The following CSMD1 variants were observed in gnomAD, a reference collection of about 807,000 sequenced individuals.
CSMD1 encodes the protein CUB and sushi domain-containing protein 1.
Under a neutral mutation model 417.5 loss-of-function variants are expected in CSMD1, and 213 were observed. That is an observed-to-expected ratio of 0.51 (90% CI 0.46 to 0.57). The LOEUF (loss-of-function observed/expected upper bound fraction) is 0.57. CSMD1 is among the 20% of genes least tolerant of loss of function. The probability of loss-of-function intolerance (pLI) is 0.00; values close to 1 mark genes in which losing one functional copy is unlikely to be tolerated. For missense variants in CSMD1, 6,923 were observed against 4,529.7 expected, an observed-to-expected ratio of 1.53 and a Z score of -15.17; for synonymous variants, 2,862 against 1,736.8, an observed-to-expected ratio of 1.65 and a Z score of -16.11.
chr8:4,394,391 GT>G (rs1366888945), intron 3 of CSMD1, among the ~76,000 whole-genome samples: 1 of 152,102 alleles, frequency 6.6e-6, no homozygotes, highest in Non-Finnish European at 1.5e-5. Context: ...ACTAGAAATG[GT>G]TTTCTTAGAA....
At chr8:3,987,394 A>G (rs73501220) in intron 5 of CSMD1, among the ~76,000 whole-genome samples, 1,906 of 152,304 alleles carry the variant, frequency 0.013, 44 homozygotes, top group African/African-American at 0.043. Flanking sequence ...CATGATAACG[A>G]CTAATGGATA....
At chr8:3,910,616 T>C (rs1808401763) in intron 5 of CSMD1, among the ~76,000 whole-genome samples, 1 of 152,200 alleles carries the variant, frequency 6.6e-6, no homozygotes, top group Non-Finnish European at 1.5e-5. Context: ...AGACAGATGA[T>C]TTTAATATAA....
At chr8:4,475,699 T>G (rs1462248994) in intron 2 of CSMD1, among the ~76,000 whole-genome samples, 1 of 128,252 alleles carries the variant, frequency 7.8e-6, no homozygotes, top group East Asian at 2.3e-4. Flanking sequence ...TCACTGCAGC[T>G]GCCTCTGGGT....
chr8:3,865,028 G>C (rs1233103451), intron 5 of CSMD1, among the ~76,000 whole-genome samples: 1 of 152,144 alleles, frequency 6.6e-6, no homozygotes, highest in East Asian at 1.9e-4. Context: ...CTCCTAATTT[G>C]TCAAGTAAGA....
At position 3,087,099 on chromosome 8, in the gene CSMD1, T is replaced by C. The variant is rs560082906; in HGVS notation, c.7472A>G (p.Gln2491Arg). Reference protein sequence around the residue: ...YQWDSLTPLCQAVSCGIPESP... With the variant: ...YQWDSLTPLCRAVSCGIPESP... ...GGGGATGAAAACGCATTTCTTACCC[T>C]GGCAGAGTGGCGTGAGGGAGTCCCA... The change falls in exon 49 of 70, where the codon CAG becomes CGG. Residue 2491 changes from glutamine (Q) to arginine (R), a missense_variant and splice_region_variant. Physicochemically the swap from Gln to Arg is conservative, Grantham distance 43. Coordinates refer to ENST00000635120, the MANE Select transcript of CSMD1 (RefSeq NM_033225.6). 3.3e-5 allele frequency: 53 copies of C among 1,612,720 alleles called. No individual in the cohort carries two copies. Among genetic ancestry groups the C allele is most frequent in the Non-Finnish European group, 4.1e-5 (48 of 1,179,580 alleles).
chr8:3,818,713 G>C (rs540331927), intron 5 of CSMD1, among the ~76,000 whole-genome samples: 3 of 152,166 alleles, frequency 2.0e-5, no homozygotes, highest in African/African-American at 4.8e-5. Context: ...AAGGGAGATG[G>C]AAAACACAAC....
At chr8:3,249,007 A>G (rs1044742403) in intron 26 of CSMD1, among the ~76,000 whole-genome samples, 1 of 152,054 alleles carries the variant, frequency 6.6e-6, no homozygotes, top group Non-Finnish European at 1.5e-5. Flanking sequence ...CTGAGCTCAG[A>G]TGCTGTAATT....
intron 1 of CSMD1, among the ~76,000 whole-genome samples, chr8:4,974,306 G>C (rs114072898): frequency 0.021 from 3,246 of 152,040 alleles, 117 homozygotes; most frequent in African/African-American, 0.074. Context: ...GATTACAGGC[G>C]CAAGATTTTA....
chr8:4,620,647 C>T (rs1259172228), intron 2 of CSMD1, among the ~76,000 whole-genome samples: 1 of 151,724 alleles, frequency 6.6e-6, no homozygotes, highest in East Asian at 1.9e-4. Context: ...ATACAACATG[C>T]TTCTTAAAAT....
intron 5 of CSMD1, among the ~76,000 whole-genome samples, chr8:3,987,400 G>A (rs1202447954): frequency 6.6e-6 from 1 of 152,292 alleles, no homozygotes; most frequent in African/African-American, 2.4e-5. Flanking sequence ...AACGACTAAT[G>A]GATACAGGGG....
At chr8:4,503,672 T>G (rs750320982) in intron 2 of CSMD1, among the ~76,000 whole-genome samples, 1 of 152,096 alleles carries the variant, frequency 6.6e-6, no homozygotes, top group Non-Finnish European at 1.5e-5. Flanking sequence ...TAACTTGGCC[T>G]GATGCATTAA....
intron 2 of CSMD1, among the ~76,000 whole-genome samples, chr8:4,587,125 CT>C (rs1393495691): frequency 2.0e-5 from 3 of 152,232 alleles, no homozygotes; most frequent in Admixed American, 2.0e-4. Context: ...ATTAGGTGCG[CT>C]CTCTTCTTCC....
At chr8:3,642,294 G>C (rs1563226129) in intron 7 of CSMD1, among the ~76,000 whole-genome samples, 1 of 152,088 alleles carries the variant, frequency 6.6e-6, no homozygotes, top group African/African-American at 2.4e-5. Context: ...CTGTGAAAAA[G>C]AGATCAGAAA....
chr8:4,553,318 T>C (rs1428106408), intron 2 of CSMD1, among the ~76,000 whole-genome samples: 1 of 152,224 alleles, frequency 6.6e-6, no homozygotes, highest in Admixed American at 6.5e-5. Context: ...TGGGTAAAAG[T>C]GCTTCATTTT....
intron 7 of CSMD1, among the ~76,000 whole-genome samples, chr8:3,700,860 G>A (rs550598403): frequency 1.3e-5 from 2 of 152,278 alleles, no homozygotes; most frequent in East Asian, 1.9e-4. Flanking sequence ...GACGGGAAAC[G>A]TTTGAGGGTC....
At chr8:4,015,796 C>G (rs918051543) in intron 4 of CSMD1, among the ~76,000 whole-genome samples, 1 of 151,128 alleles carries the variant, frequency 6.6e-6, no homozygotes, top group Non-Finnish European at 1.5e-5. Flanking sequence ...CAGACAAAAA[C>G]AAGGGTGAAA....
chr8:3,240,565 G>A (rs1440955286), intron 26 of CSMD1, among the ~76,000 whole-genome samples: 1 of 152,000 alleles, frequency 6.6e-6, no homozygotes, highest in Non-Finnish European at 1.5e-5. Flanking sequence ...GAAATAATGG[G>A]GGCTGTCTGT....
At position 4,007,678 on chromosome 8, in the gene CSMD1, CT is replaced by C. The variant is rs113392680; in HGVS notation, c.611-9569del. On this transcript the variant is annotated intron_variant, in intron 4 of 69. Coordinates refer to ENST00000635120, the MANE Select transcript of CSMD1 (RefSeq NM_033225.6). ...CCTGATAGAAGTATTCTTTCTTCCT[CT>C]TTTTTTTTTTCATGCAATGAATGAA... 8.7e-3 allele frequency among the ~76,000 whole-genome samples: 1,270 copies of C among 146,438 alleles called. 6 individuals are homozygous for C. The highest frequency in any genetic ancestry group is 0.015 in the African/African-American group (618 of 40,468).
intron 10 of CSMD1, among the ~76,000 whole-genome samples, chr8:3,518,398 T>C (rs925815859): frequency 2.6e-5 from 4 of 152,164 alleles, no homozygotes; most frequent in Admixed American, 6.5e-5. Context: ...CCAGATGCCA[T>C]TGTATTTAGA....
Sources: allele counts gnomAD v4.1 joint callset (sites outside exome capture counted in the v4.1 genomes callset), GRCh38; gene constraint gnomAD v4.1.1; transcripts MANE v1.5; gene names NCBI Gene and HGNC (gene_info 2026-07-23, HGNC 2026-07-21).